Variants in DROSHA observed in about 807,000 individuals in gnomAD.
DROSHA encodes the protein drosha ribonuclease III.
A neutral mutation model predicts 181.9 loss-of-function variants in DROSHA; 56 were observed. The observed-to-expected ratio is 0.31, with a 90% CI of 0.25 to 0.38. DROSHA has a LOEUF of 0.38. Among genes scored for constraint, DROSHA ranks in the 10% least tolerant of loss-of-function variants. DROSHA has a pLI of 1.00. For missense variants in DROSHA, 1,218 were observed against 1,743.5 expected (o/e 0.70, Z 5.37); for synonymous variants, 524 against 591.2 (o/e 0.89, Z 1.65).
intron 11 of DROSHA, among the ~76,000 whole-genome samples, chr5:31,498,610 C>G (rs942341498): frequency 4.6e-5 from 7 of 152,100 alleles, no homozygotes; most frequent in African/African-American, 1.7e-4. Flanking sequence ...GTAATCCCAG[C>G]ACTTTGGGAG....
Position 31,484,505 on chromosome 5 carries a change from A to ATGTGTG in DROSHA, c.1996+370_1996+375dup, listed in dbSNP as rs72215188. 5.3e-5 allele frequency among the ~76,000 whole-genome samples: 8 copies of ATGTGTG among 151,836 alleles called. No individual in the cohort carries two copies. In the South Asian group the frequency reaches 6.2e-4, roughly 12 times the overall value. ...TCACTCTAAGTGTCTGCGTGTGTGC[A>ATGTGTG]TGTGTGTGTTTTAATGACTAACCAA... is the stretch of plus-strand genomic sequence containing the variant. On this transcript the variant is annotated intron_variant, in intron 15 of 35. Transcript: ENST00000344624.
intron 10 of DROSHA, among the ~76,000 whole-genome samples, chr5:31,506,354 C>A (rs1180554015): frequency 2.6e-4 from 34 of 129,324 alleles, no homozygotes; most frequent in Admixed American, 1.6e-3. Context: ...CAGAGTGAGA[C>A]CCCGTCTCAA....
intron 23 of DROSHA, among the ~76,000 whole-genome samples, chr5:31,440,994 T>C (rs1340336388): frequency 6.6e-6 from 1 of 151,578 alleles, no homozygotes; most frequent in South Asian, 2.1e-4. Context: ...ACACTGCTGG[T>C]CCCAAGCATT....
At chr5:31,444,679 C>T (rs1746039237) in intron 23 of DROSHA, among the ~76,000 whole-genome samples, 1 of 152,152 alleles carries the variant, frequency 6.6e-6, no homozygotes, top group Admixed American at 6.5e-5. Context: ...TAGAATTCTA[C>T]TTATTAAAAT....
chr5:31,411,833 C>T lies in DROSHA; in HGVS notation c.3526-946G>A, dbSNP rs1288637644. Among the ~76,000 whole-genome samples, 2 of 152,144 alleles carry T rather than the reference C, an allele frequency of 1.3e-5. No individual in the cohort carries two copies. Among genetic ancestry groups the T allele is most frequent in the African/African-American group, 4.8e-5 (2 of 41,430 alleles). ...GTAGAGACAGGGTTTCACCATGTTG[C>T]CTAGGCTGGTCTCGAACTCCAGAGC... On this transcript the variant is annotated intron_variant, in intron 30 of 35. Transcript: ENST00000344624. This position sits in a 1 kb window ranked among gnomAD's most constrained non-coding sequence, Gnocchi z 4.2.
At chr5:31,522,986 C>T (rs1273083473) in intron 5 of DROSHA, among the ~76,000 whole-genome samples, 1 of 152,172 alleles carries the variant, frequency 6.6e-6, no homozygotes, top group African/African-American at 2.4e-5. Context: ...AAATAGGGAA[C>T]ACAGAATTTG....
intron 9 of DROSHA, among the ~76,000 whole-genome samples, chr5:31,510,051 G>GAAAA (rs4049955): frequency 9.8e-4 from 111 of 112,704 alleles, no homozygotes; most frequent in African/African-American, 2.9e-3. Flanking sequence ...ACCACAATTT[G>GAAAA]AAAAAAAAAA....
At chr5:31,464,058 T>A (rs918987381) in intron 20 of DROSHA, 178 bp downstream of exon 20, 4 of 623,780 alleles carry the variant, frequency 6.4e-6, no homozygotes, top group Non-Finnish European at 1.1e-5. Context: ...CACACCAGCA[T>A]CAAAACAGAC....
rs1427155428 is a variant in DROSHA at position 31,470,315 on chromosome 5, T to C, written c.2241+1748A>G. Among the ~76,000 whole-genome samples the C allele has an allele frequency of 6.6e-6, 1 of 152,230 alleles. No homozygotes were observed. The highest frequency in any genetic ancestry group is 2.4e-5 in the African/African-American group (1 of 41,464). On this transcript the variant is annotated intron_variant, in intron 17 of 35. Transcript: ENST00000344624. The surrounding 1 kb of genome is among the most constrained non-coding windows in gnomAD (Gnocchi z 4.0). ...ACCCCTGGCAAGCCTATCCCAGTGA[T>C]AGCTCCTAAAATGAGAGGCTTTCCT... is the stretch of plus-strand genomic sequence containing the variant.
chr5:31,529,436 T>C (rs1045059001), intron 3 of DROSHA, among the ~76,000 whole-genome samples: 1 of 152,116 alleles, frequency 6.6e-6, no homozygotes, highest in Non-Finnish European at 1.5e-5. Context: ...TCCTTCATGG[T>C]AAAAACAGGT....
intron 21 of DROSHA, among the ~76,000 whole-genome samples, chr5:31,451,116 C>A (rs542336036): frequency 1.3e-5 from 2 of 152,074 alleles, no homozygotes; most frequent in African/African-American, 4.8e-5. Context: ...GCAGGAGAAT[C>A]GCTTGAACCC....
At chr5:31,506,783 A>G (rs1342961802) in intron 10 of DROSHA, among the ~76,000 whole-genome samples, 1 of 152,108 alleles carries the variant, frequency 6.6e-6, no homozygotes, top group Non-Finnish European at 1.5e-5. Context: ...AAATTAACTT[A>G]GTGTTCACGG....
chr5:31,404,084 A>T (rs1023069549), intron 35 of DROSHA, among the ~76,000 whole-genome samples: 1 of 144,548 alleles, frequency 6.9e-6, no homozygotes, highest in South Asian at 2.2e-4. Flanking sequence ...AGCCTGGCTA[A>T]TTTTTTTTTT....
At chr5:31,419,037 A>T (rs897162335) in intron 30 of DROSHA, among the ~76,000 whole-genome samples, 3 of 152,318 alleles carry the variant, frequency 2.0e-5, no homozygotes, top group East Asian at 3.9e-4. Flanking sequence ...CCTAAGAGTG[A>T]GCATTTTAGA....
At chr5:31,513,653 C>T (rs763413473) in intron 8 of DROSHA, among the ~76,000 whole-genome samples, 23 of 152,326 alleles carry the variant, frequency 1.5e-4, no homozygotes, top group Non-Finnish European at 2.9e-4. Context: ...AATCTCCTTT[C>T]AAGCTCCCCA....
chr5:31,511,698 TAA>T (rs111259754), intron 8 of DROSHA, among the ~76,000 whole-genome samples: 3 of 143,736 alleles, frequency 2.1e-5, no homozygotes, highest in Admixed American at 7.0e-5. Flanking sequence ...AGACCTCATC[TAA>T]AAAAAAAAAA....
rs1256129669 is a variant in DROSHA, at chr5:31,467,936, T to C, written c.2366+3A>G. 1 of 1,611,172 alleles carries C rather than the reference T, an allele frequency of 6.2e-7. No homozygotes were observed. The highest frequency in any genetic ancestry group is 8.5e-7 in the Non-Finnish European group (1 of 1,178,534). Reference sequence around the variant, plus strand: ...CTAAGACAAACACTGAGAAATATCTTACTGTGGGTCTCCTGCATAACTCAA... The same window carrying C: ...CTAAGACAAACACTGAGAAATATCTCACTGTGGGTCTCCTGCATAACTCAA... On this transcript the variant is annotated splice_donor_region_variant and intron_variant, in intron 18 of 35. Transcript: ENST00000344624.
In DROSHA at chr5:31,526,260, G is replaced by A; in HGVS notation, c.673C>T (p.Leu225=). The A allele has an allele frequency of 6.2e-7, 1 of 1,613,918 alleles. No homozygotes were observed. The highest frequency in any genetic ancestry group is 8.5e-7 in the Non-Finnish European group (1 of 1,179,882). ...APSERRSPER[L]KHYDDHRHRD... ...TGCCTGTGGTCATCATAGTGTTTCA[G>A]CCTTTCTGGGGACCTTCTCTCACTG... Residue 225 remains leucine (L), a synonymous_variant, in exon 5 of 36, where the codon CTG becomes TTG. Coordinates refer to ENST00000344624, the MANE Select transcript of DROSHA (RefSeq NM_001382508.1).
At chr5:31,406,211 C>T (rs1000580046) in intron 34 of DROSHA, among the ~76,000 whole-genome samples, 4 of 151,988 alleles carry the variant, frequency 2.6e-5, no homozygotes, top group African/African-American at 4.8e-5. Flanking sequence ...AGTAGTAAAT[C>T]GAATGTCTAA....
Sources: allele counts gnomAD v4.1 joint callset (sites outside exome capture counted in the v4.1 genomes callset), GRCh38; gene constraint gnomAD v4.1.1; non-coding constraint Gnocchi (gnomAD v3.1); transcripts MANE v1.5; gene names NCBI Gene and HGNC (gene_info 2026-07-23, HGNC 2026-07-21).